Variants in CSNK2A1 observed in about 807,000 individuals in gnomAD.
CSNK2A1 encodes casein kinase II subunit alpha.
In CSNK2A1, 10 loss-of-function variants were observed where a neutral mutation model predicts 62.9. That is an observed-to-expected ratio of 0.16 (90% confidence interval 0.10 to 0.27). CSNK2A1 has a LOEUF of 0.27. Among genes scored for constraint, CSNK2A1 ranks in the 10% least tolerant of loss-of-function variants. CSNK2A1 has a pLI of 1.00. For synonymous variants in CSNK2A1, 124 were observed against 167.8 expected (o/e 0.74, Z 2.02); for missense variants, 160 against 492.0 (o/e 0.33, Z 6.38).
chr20:542,495 G>GC (rs2019471742), intron 1 of CSNK2A1, among the ~76,000 whole-genome samples: 1 of 152,138 alleles, frequency 6.6e-6, no homozygotes. Context: ...GTGCAGTGGC[G>GC]GATCTCAGCT....
At chr20:485,101 A>ATATACATATATATAT (rs2018057838) in intron 13 of CSNK2A1, among the ~76,000 whole-genome samples, 1 of 31,864 alleles carries the variant, frequency 3.1e-5, no homozygotes, top group African/African-American at 1.0e-4. Flanking sequence ...AAAAAAAAAA[A>ATATACATATATATAT]AAAAAAAAAT....
chr20:509,652 T>C (rs988132163), intron 2 of CSNK2A1, among the ~76,000 whole-genome samples: 3 of 152,254 alleles, frequency 2.0e-5, no homozygotes, highest in Non-Finnish European at 2.9e-5. Context: ...CATGGCTCAC[T>C]GAAGCCTCAA....
intron 2 of CSNK2A1, among the ~76,000 whole-genome samples, chr20:515,155 C>T (rs2018801651): frequency 6.6e-6 from 1 of 152,102 alleles, no homozygotes; most frequent in Admixed American, 6.6e-5. Context: ...AAATGATGAC[C>T]TAAGGTGGTG....
At chr20:516,910 C>T (rs190491305) in intron 2 of CSNK2A1, among the ~76,000 whole-genome samples, 1 of 152,250 alleles carries the variant, frequency 6.6e-6, no homozygotes, top group African/African-American at 2.4e-5. Context: ...TGAACAAGAT[C>T]TCATCATCAT....
intron 1 of CSNK2A1, among the ~76,000 whole-genome samples, chr20:538,360 AT>A (rs1397938786): frequency 6.6e-6 from 1 of 152,208 alleles, no homozygotes; most frequent in Non-Finnish European, 1.5e-5. Context: ...ACCAGTTAAC[AT>A]TCATGTGGCC....
chr20:531,243 G>T (rs1045445140), intron 1 of CSNK2A1, among the ~76,000 whole-genome samples: 2 of 152,066 alleles, frequency 1.3e-5, no homozygotes, highest in South Asian at 2.1e-4. Context: ...TGTCTGTCTG[G>T]TAACAATGAC....
At position 477,546 on chromosome 20, in the gene CSNK2A1, C is replaced by G. The variant is rs925567191; in HGVS notation, c.*6415G>C. ...CACCCCCACCACCTCAATCCTGCCC[C>G]TGTAGCCTTTCCAAGTGCCACAGCA... On this transcript the variant is annotated 3_prime_UTR_variant, in exon 14 of 14. Transcript: ENST00000217244. 1 of 152,566 alleles carries G rather than the reference C, an allele frequency of 6.6e-6. No individual in the cohort carries two copies. The highest frequency in any genetic ancestry group is 1.5e-5 in the Non-Finnish European group (1 of 68,350). The allele number at this position is 152,566 out of a possible 1,614,324, so 9.5% of individuals were successfully genotyped here. A position where few individuals can be genotyped will look rare whatever the true frequency, so the allele number is the denominator to read the frequency against.
chr20:516,856 G>T (rs1161425670), intron 2 of CSNK2A1, among the ~76,000 whole-genome samples: 1 of 148,804 alleles, frequency 6.7e-6, no homozygotes, highest in East Asian at 1.9e-4. Flanking sequence ...ATCTTAAAAG[G>T]AAAAAAAAAA....
intron 2 of CSNK2A1, among the ~76,000 whole-genome samples, chr20:523,858 C>CAAAAAAAAAAAAAAAAAAAAAAAAA (rs11401840): frequency 8.8e-5 from 4 of 45,538 alleles, no homozygotes; most frequent in African/African-American, 3.7e-4. Context: ...GACTCCATCT[C>CAAAAAAAAAAAAAAAAAAAAAAAAA]AAAAAAAAAA....
chr20:541,734 C>A (rs2019454537), intron 1 of CSNK2A1, among the ~76,000 whole-genome samples: 1 of 152,160 alleles, frequency 6.6e-6, no homozygotes, highest in African/African-American at 2.4e-5. Flanking sequence ...CAAAGGAGTA[C>A]ATAACTAGGC....
chr20:529,043 T>C (rs1812357884), intron 1 of CSNK2A1, among the ~76,000 whole-genome samples: 1 of 152,174 alleles, frequency 6.6e-6, no homozygotes, highest in African/African-American at 2.4e-5. Flanking sequence ...AGTTTTATTT[T>C]CCATGTTTGT....
intron 1 of CSNK2A1, among the ~76,000 whole-genome samples, chr20:528,957 C>T (rs985584976): frequency 1.1e-4 from 17 of 152,202 alleles, no homozygotes; most frequent in Non-Finnish European, 1.5e-5. Context: ...ACCCCCATAC[C>T]CATGGTTTCA....
chr20:513,864 C>G (rs1410240224), intron 2 of CSNK2A1, among the ~76,000 whole-genome samples: 1 of 152,162 alleles, frequency 6.6e-6, no homozygotes, highest in Admixed American at 6.5e-5. Flanking sequence ...TTGCAGTACC[C>G]CCAAAGAGGT....
intron 3 of CSNK2A1, 102 bp downstream of exon 3, chr20:508,349 T>C (rs964385801): frequency 6.1e-6 from 8 of 1,312,752 alleles, no homozygotes; most frequent in Middle Eastern, 1.9e-4. Flanking sequence ...TCCTGAGGTA[T>C]ACACATACAG....
chr20:487,518 G>A lies in CSNK2A1; in HGVS notation c.882C>T (p.Ser294=), dbSNP rs758142907. Residue 294 remains serine, a synonymous_variant, in exon 12 of 14, where the codon AGC becomes AGT. Transcript: ENST00000217244. The part of the protein sequence containing the change: ...FVHSENQHLV[S]PEALDFLDKL... The stretch of plus-strand genomic sequence containing the variant: ...TGTCCAGGAAATCCAAGGCCTCAGG[G>A]CTGACAAGGTGCTGATTTTCACTGT... The A allele has an allele frequency of 2.5e-6, 4 of 1,614,090 alleles. No homozygotes were observed. The highest frequency in any genetic ancestry group is 1.7e-5 in the Admixed American group (1 of 60,004).
intron 11 of CSNK2A1, 65 bp from the exon 12 acceptor site, chr20:487,640 C>G (rs1276198486): frequency 1.2e-5 from 19 of 1,606,334 alleles, no homozygotes; most frequent in Non-Finnish European, 1.6e-5. Flanking sequence ...CATTTCATTC[C>G]TACATTTTTC....
intron 1 of CSNK2A1, among the ~76,000 whole-genome samples, chr20:532,330 A>ATTTTTTT (rs138287291): frequency 6.6e-5 from 8 of 121,992 alleles, no homozygotes; most frequent in South Asian, 2.8e-4. Flanking sequence ...TGCCCGGCTA[A>ATTTTTTT]TTTTTTTTTT....
chr20:518,953 T>G (rs1476498438), intron 2 of CSNK2A1, among the ~76,000 whole-genome samples: 2 of 147,626 alleles, frequency 1.4e-5, no homozygotes, highest in African/African-American at 5.2e-5. Flanking sequence ...TTTTTTTTTT[T>G]GCCACAAAGT....
rs1328587404 is a variant in CSNK2A1 at position 483,420 on chromosome 20, T to G, written c.*541A>C. The stretch of plus-strand genomic sequence containing the variant: ...CCACTGAAGCGCTTATGGAGTAAAG[T>G]GATGTAAGCGACCAGCAAGCAGTCC... On this transcript the variant is annotated 3_prime_UTR_variant, in exon 14 of 14. Transcript: ENST00000217244. 6.6e-6 allele frequency: 1 copy of G among 152,488 alleles called. No homozygotes were observed. Among genetic ancestry groups the G allele is most frequent in the Non-Finnish European group, 1.5e-5 (1 of 68,056 alleles). 9.4% of individuals were successfully genotyped at this position (152,488 alleles called of 1,614,324 possible).
Sources: gnomAD v4.1 joint callset for allele counts (sites outside exome capture counted in the v4.1 genomes callset) on GRCh38, gnomAD v4.1.1 for gene constraint, MANE v1.5 for transcripts, NCBI Gene and HGNC (gene_info 2026-07-23, HGNC 2026-07-21) for gene names.